Variants in CFAP54 observed in about 807,000 individuals in gnomAD.
The protein encoded by CFAP54 is cilia- and flagella-associated protein 54.
Under a neutral mutation model 370.4 loss-of-function variants are expected in CFAP54, and 290 were observed. The observed-to-expected ratio is 0.78, with a 90% CI of 0.71 to 0.86. The LOEUF (loss-of-function observed/expected upper bound fraction) is 0.86, where lower values mean the gene tolerates loss of function less well. Ranked by LOEUF, CFAP54 falls within the 40% of genes least tolerant of loss-of-function variation. The probability of loss-of-function intolerance (pLI) is 0.00; values close to 1 mark genes in which losing one functional copy is unlikely to be tolerated. For synonymous variants in CFAP54, 1,206 were observed against 1,236.5 expected (o/e 0.98, Z 0.52); for missense variants, 3,399 against 3,528.7 (o/e 0.96, Z 0.93).
intron 8 of CFAP54, among the ~76,000 whole-genome samples, chr12:96,523,087 C>G (rs984699968): frequency 1.3e-5 from 2 of 152,076 alleles, no homozygotes; most frequent in Non-Finnish European, 2.9e-5. Context: ...TTGAAGCTCT[C>G]CCTGACTGTT....
chr12:96,555,753 A>T (rs1037671019), intron 17 of CFAP54, among the ~76,000 whole-genome samples: 5 of 151,984 alleles, frequency 3.3e-5, no homozygotes, highest in African/African-American at 1.2e-4. Context: ...AGAACTATAT[A>T]AATGAAGGTA....
intron 26 of CFAP54, among the ~76,000 whole-genome samples, chr12:96,614,421 A>G (rs923660632): frequency 6.6e-6 from 1 of 152,216 alleles, no homozygotes; most frequent in African/African-American, 2.4e-5. Flanking sequence ...TGAATGGGCA[A>G]AAACTGGAAG....
intron 32 of CFAP54, among the ~76,000 whole-genome samples, chr12:96,631,390 T>G (rs1956605950): frequency 2.0e-5 from 3 of 151,916 alleles, no homozygotes. Flanking sequence ...TCGTGTTTAT[T>G]ATGCTGATGA....
At chr12:96,797,129 A>C (rs149685116) in intron 63 of CFAP54, among the ~76,000 whole-genome samples, 1 of 152,130 alleles carries the variant, frequency 6.6e-6, no homozygotes, top group East Asian at 1.9e-4. Context: ...ATTCCAAACT[A>C]TGTGGAGCTT....
At chr12:96,866,201 C>G (rs1334211017) in intron 67 of CFAP54, among the ~76,000 whole-genome samples, 1 of 151,976 alleles carries the variant, frequency 6.6e-6, no homozygotes, top group Non-Finnish European at 1.5e-5. Context: ...TTCAGTAGAG[C>G]CTTATGAATT....
chr12:96,585,779 C>T (rs556784945), intron 22 of CFAP54, among the ~76,000 whole-genome samples: 1 of 152,334 alleles, frequency 6.6e-6, no homozygotes, highest in African/African-American at 2.4e-5. Context: ...CTCTCAACTC[C>T]TATGAAGGCC....
intron 42 of CFAP54, among the ~76,000 whole-genome samples, chr12:96,685,579 T>C (rs1281904206): frequency 2.0e-5 from 3 of 151,210 alleles, no homozygotes; most frequent in Non-Finnish European, 2.9e-5. Flanking sequence ...TGAGACGGAG[T>C]CTCACTCTGT....
intron 67 of CFAP54, among the ~76,000 whole-genome samples, chr12:96,865,826 T>C (rs1959989771): frequency 6.6e-6 from 1 of 152,130 alleles, no homozygotes; most frequent in African/African-American, 2.4e-5. Flanking sequence ...TTTCATTATT[T>C]TGGGTTTTAA....
intron 40 of CFAP54, among the ~76,000 whole-genome samples, chr12:96,683,881 T>G (rs1957296709): frequency 6.6e-6 from 1 of 152,070 alleles, no homozygotes; most frequent in African/African-American, 2.4e-5. Context: ...AACCTCCACC[T>G]CCCGGGTTCA....
chr12:96,654,658 C>T (rs1262019517), intron 36 of CFAP54, among the ~76,000 whole-genome samples: 1 of 152,066 alleles, frequency 6.6e-6, no homozygotes, highest in Non-Finnish European at 1.5e-5. Context: ...GCTCCTTTAA[C>T]TCACTCACTT....
chr12:96,510,375 AT>A (rs1434219837), intron 4 of CFAP54, among the ~76,000 whole-genome samples: 3 of 152,156 alleles, frequency 2.0e-5, no homozygotes, highest in Non-Finnish European at 4.4e-5. Context: ...TGCAGCAGGA[AT>A]TTGTGAGCCA....
At chr12:96,795,644 C>G (rs2136706561) in intron 63 of CFAP54, among the ~76,000 whole-genome samples, 1 of 152,122 alleles carries the variant, frequency 6.6e-6, no homozygotes, top group South Asian at 2.1e-4. Context: ...CTCCCAATGT[C>G]AGTGAGTTTA....
At chr12:96,690,169 C>T (rs951978691) in intron 43 of CFAP54, among the ~76,000 whole-genome samples, 1 of 152,126 alleles carries the variant, frequency 6.6e-6, no homozygotes, top group Non-Finnish European at 1.5e-5. Flanking sequence ...TGTATTATTT[C>T]TTAGTAATAC....
chr12:96,578,067 A>T (rs1955998227), intron 20 of CFAP54, among the ~76,000 whole-genome samples: 1 of 152,194 alleles, frequency 6.6e-6, no homozygotes, highest in African/African-American at 2.4e-5. Flanking sequence ...ATCTAAAAAA[A>T]CAAAAAATAA....
rs546699431 is a variant in CFAP54, at chr12:96,560,967, G to T, written c.2411-3501G>T. ...TGTAAACAAGAGCTGTCCCTGCTTTGCCTCTTTTAATTTTTTGAGTAACAC... is the reference window on the plus strand; with the variant it reads ...TGTAAACAAGAGCTGTCCCTGCTTTTCCTCTTTTAATTTTTTGAGTAACAC... On this transcript the variant is annotated intron_variant, in intron 17 of 67. Coordinates refer to ENST00000524981, the MANE Select transcript of CFAP54 (RefSeq NM_001306084.2). 2.0e-5 allele frequency among the ~76,000 whole-genome samples: 3 copies of T among 152,244 alleles called. No homozygotes were observed. The East Asian group carries it at 5.8e-4, about 29-fold the overall frequency.
intron 1 of CFAP54, among the ~76,000 whole-genome samples, chr12:96,495,238 CTCCTTCCTTCCTTCCT>C (rs58756915): frequency 0.046 from 6,097 of 133,162 alleles, 167 homozygotes; most frequent in Middle Eastern, 0.11. Context: ...CTTTTCTTTT[CTCCTTCCTTCCTTCCT>C]TCCTTCCTTC....
chr12:96,779,327 T>C (rs903076081), intron 60 of CFAP54, among the ~76,000 whole-genome samples: 7 of 152,128 alleles, frequency 4.6e-5, no homozygotes, highest in Admixed American at 1.3e-4. Context: ...TGAAATCATA[T>C]AGTCTTTTTG....
chr12:96,853,066 T>C (rs1271367438), intron 66 of CFAP54, among the ~76,000 whole-genome samples: 1 of 152,096 alleles, frequency 6.6e-6, no homozygotes, highest in East Asian at 1.9e-4. Flanking sequence ...TTTTTAGATA[T>C]CAGCTTAAAG....
At chr12:96,837,706 A>T (rs1959190778) in intron 66 of CFAP54, among the ~76,000 whole-genome samples, 1 of 152,232 alleles carries the variant, frequency 6.6e-6, no homozygotes, top group Admixed American at 6.5e-5. Flanking sequence ...TCCTGCCATT[A>T]ACAGTGATTT....
Sources: allele counts gnomAD v4.1 joint callset (sites outside exome capture counted in the v4.1 genomes callset), GRCh38; gene constraint gnomAD v4.1.1; transcripts MANE v1.5; gene names NCBI Gene and HGNC (gene_info 2026-07-23, HGNC 2026-07-21).